Variants in FRMD6 observed in about 807,000 individuals in gnomAD.
The protein encoded by FRMD6 is FERM domain containing 6.
In FRMD6, 37 loss-of-function variants were observed where a neutral mutation model predicts 73.2. That is an observed-to-expected ratio of 0.51 (90% CI 0.39 to 0.66). The LOEUF (loss-of-function observed/expected upper bound fraction) is 0.66, where lower values mean the gene tolerates loss of function less well. Among genes scored for constraint, FRMD6 ranks in the 30% least tolerant of loss-of-function variants. FRMD6 has a pLI of 0.00. For synonymous variants in FRMD6, 273 were observed against 282.2 expected, an observed-to-expected ratio of 0.97 and a Z score of 0.33; for missense variants, 714 against 780.5, an observed-to-expected ratio of 0.91 and a Z score of 1.02.
chr14:51,607,519 A>G (rs571077017), intron 2 of FRMD6, among the ~76,000 whole-genome samples: 41 of 152,328 alleles, frequency 2.7e-4, no homozygotes, highest in African/African-American at 9.6e-4. Context: ...TCATCATCCA[A>G]TAATACATGA....
At chr14:51,462,858 T>TA in the FRMD6 span, among the ~76,000 whole-genome samples, 8 of 151,894 alleles carry the variant, frequency 5.3e-5, no homozygotes, top group Admixed American at 1.3e-4. Flanking sequence ...AGAAATGAAC[T>TA]AAAAACCCAG....
At chr14:51,459,684 G>A in the FRMD6 span, among the ~76,000 whole-genome samples, 5 of 151,900 alleles carry the variant, frequency 3.3e-5, no homozygotes, top group South Asian at 1.0e-3. Context: ...AAAAATAGCC[G>A]GGCGTGGTGG....
In FRMD6 at chr14:51,690,287, C is replaced by T. The variant is rs183427421; in HGVS notation, c.99+352C>T. 3.0e-4 allele frequency among the ~76,000 whole-genome samples: 46 copies of T among 152,308 alleles called. 1 individual carries two copies. The highest frequency in any genetic ancestry group is 2.1e-3 in the Admixed American group (32 of 15,304). ...CCCACACACATGAAATGGTAATCATCGCTATTAGGTTGGTGCAAAAGTAAT... is the reference window on the plus strand; with the variant it reads ...CCCACACACATGAAATGGTAATCATTGCTATTAGGTTGGTGCAAAAGTAAT... On this transcript the variant is annotated intron_variant, in intron 2 of 13. Coordinates refer to ENST00000344768, the MANE Select transcript of FRMD6 (RefSeq NM_001267046.2).
chr14:51,492,478 A>T (rs1320260781), intron 1 of FRMD6, among the ~76,000 whole-genome samples: 1 of 151,992 alleles, frequency 6.6e-6, no homozygotes, highest in Non-Finnish European at 1.5e-5. Flanking sequence ...CCATTGGATG[A>T]CTCTGGTTAA....
At chr14:51,685,780 A>C (rs1895107891) in intron 1 of FRMD6, among the ~76,000 whole-genome samples, 1 of 151,918 alleles carries the variant, frequency 6.6e-6, no homozygotes. Context: ...ATATGTCCTT[A>C]ACTAGATGGT....
chr14:51,712,099 AC>A (rs1191611601), intron 8 of FRMD6, among the ~76,000 whole-genome samples: 1 of 152,200 alleles, frequency 6.6e-6, no homozygotes, highest in African/African-American at 2.4e-5. Context: ...AAAAAGGGAG[AC>A]AGATACCTCT....
intron 2 of FRMD6, among the ~76,000 whole-genome samples, chr14:51,612,252 A>G (rs1311006519): frequency 6.6e-6 from 1 of 152,140 alleles, no homozygotes; most frequent in Non-Finnish European, 1.5e-5. Flanking sequence ...CATTTAGTCA[A>G]CTCTAGATGA....
rs571068111 is a variant in FRMD6 at position 51,526,784 on chromosome 14, C to T, written c.-210+37364C>T. Among the ~76,000 whole-genome samples the T allele has an allele frequency of 6.6e-5, 10 of 152,310 alleles. No individual in the cohort carries two copies. In the South Asian group the frequency reaches 8.3e-4, roughly 13 times the overall value. On this transcript the variant is annotated intron_variant, in intron 1 of 14. Transcript: ENST00000356218. ...AGTGCTCAGCACACCACAGGCTTGC[C>T]GCTTTGCCTCTCTCGTTGAATTGTA...
chr14:51,421,449 A>T, the FRMD6 span, among the ~76,000 whole-genome samples: 1 of 152,202 alleles, frequency 6.6e-6, no homozygotes, highest in African/African-American at 2.4e-5. Context: ...CCATTGAGTT[A>T]AAAAAAGAGT....
At chr14:51,487,994 G>A (rs1253448511), upstream of FRMD6, among the ~76,000 whole-genome samples, 1 of 152,284 alleles carries the variant, frequency 6.6e-6, no homozygotes, top group Non-Finnish European at 1.5e-5. Flanking sequence ...GCTTGCTTTC[G>A]TCATGGCTGA....
chr14:51,688,128 T>G (rs9635224), intron 1 of FRMD6, among the ~76,000 whole-genome samples: 41,435 of 151,434 alleles, frequency 0.27, 5,992 homozygotes, highest in African/African-American at 0.36. Flanking sequence ...TTTTTTTTTT[T>G]CAAGATGGAT....
chr14:51,484,070 G>A, the FRMD6 span, among the ~76,000 whole-genome samples: 4 of 152,066 alleles, frequency 2.6e-5, no homozygotes, highest in Non-Finnish European at 5.9e-5. Context: ...CAACATAGAT[G>A]TTCAATAAAT....
At chr14:51,684,996 G>C (rs1327812556) in intron 1 of FRMD6, among the ~76,000 whole-genome samples, 1 of 152,116 alleles carries the variant, frequency 6.6e-6, no homozygotes, top group East Asian at 1.9e-4. Flanking sequence ...CTGAGCATGA[G>C]TTAGTCACAG....
At chr14:51,669,057 A>C (rs1338546913) in intron 1 of FRMD6, among the ~76,000 whole-genome samples, 1 of 152,232 alleles carries the variant, frequency 6.6e-6, no homozygotes, top group Non-Finnish European at 1.5e-5. Context: ...ACAAATGTAT[A>C]TATCATCATG....
At chr14:51,642,468 G>A (rs1199918652) in intron 2 of FRMD6, among the ~76,000 whole-genome samples, 1 of 152,204 alleles carries the variant, frequency 6.6e-6, no homozygotes, top group East Asian at 1.9e-4. Context: ...ACCCGGAGGT[G>A]GAGGTTGCAG....
chr14:51,536,302 G>C (rs1885888294), intron 1 of FRMD6, among the ~76,000 whole-genome samples: 1 of 151,732 alleles, frequency 6.6e-6, no homozygotes, highest in African/African-American at 2.4e-5. Context: ...ATGTTATCCT[G>C]GCTAATCTTG....
At chr14:51,399,937 T>G in the FRMD6 span, among the ~76,000 whole-genome samples, 1 of 152,036 alleles carries the variant, frequency 6.6e-6, no homozygotes, top group East Asian at 1.9e-4. Context: ...GAATGTTGTT[T>G]TTTTTTTTAG....
At chr14:51,570,406 A>G (rs1299705263) in exon 2 of FRMD6, 6 of 152,158 alleles carry the variant, frequency 3.9e-5, no homozygotes, top group Admixed American at 3.3e-4. Context: ...GTCAAATTTC[A>G]TCAGGTAAGA....
chr14:51,719,146 G>C (rs1230087645), intron 10 of FRMD6, among the ~76,000 whole-genome samples: 2 of 152,214 alleles, frequency 1.3e-5, no homozygotes, highest in Non-Finnish European at 2.9e-5. Context: ...TGACCTGAAA[G>C]ACAAGAATAA....
Sources: gnomAD v4.1 joint callset for allele counts (sites outside exome capture counted in the v4.1 genomes callset) on GRCh38, gnomAD v4.1.1 for gene constraint, MANE v1.5 for transcripts, NCBI Gene and HGNC (gene_info 2026-07-23, HGNC 2026-07-21) for gene names.